Variants in PDE4D observed in about 807,000 individuals in gnomAD.
PDE4D encodes the protein phosphodiesterase 4D, also known as 3',5'-cyclic-AMP phosphodiesterase 4D.
PDE4D carries 24 observed loss-of-function variants against 87.4 expected under a neutral mutation model. The ratio of observed to expected loss-of-function variants is 0.27; its 90% confidence interval spans 0.20 to 0.39. PDE4D has a LOEUF of 0.39. Among genes scored for constraint, PDE4D ranks in the 10% least tolerant of loss-of-function variants. The pLI, the probability that PDE4D is intolerant of heterozygous loss-of-function variation, is 1.00. For missense variants in PDE4D, 714 were observed against 1,041.0 expected (o/e 0.69, Z 4.32); for synonymous variants, 384 against 383.2 (o/e 1.00, Z -0.02).
chr5:59,924,671 A>G (rs976607279), intron 3 of PDE4D, among the ~76,000 whole-genome samples: 1 of 152,158 alleles, frequency 6.6e-6, no homozygotes, highest in African/African-American at 2.4e-5. Context: ...GCAAAAGTTG[A>G]TATGTCATCA....
intron 2 of PDE4D, among the ~76,000 whole-genome samples, chr5:60,111,144 T>A (rs1777633500): frequency 6.6e-6 from 1 of 151,942 alleles, no homozygotes; most frequent in African/African-American, 2.4e-5. Flanking sequence ...TTTCAAAAAC[T>A]AGAGGAGAGG....
At chr5:60,390,001 T>G (rs932557025) in intron 1 of PDE4D, among the ~76,000 whole-genome samples, 1 of 152,212 alleles carries the variant, frequency 6.6e-6, no homozygotes, top group Non-Finnish European at 1.5e-5. Flanking sequence ...CTCGCTCTCA[T>G]AGATCTTTGC....
Position 59,264,593 on chromosome 5 carries a change from T to C in PDE4D, c.456-48625A>G, listed in dbSNP as rs575834727. 2.0e-5 allele frequency among the ~76,000 whole-genome samples: 3 copies of C among 152,126 alleles called. No homozygotes were observed. The South Asian group carries it at 6.2e-4, about 32-fold the overall frequency. On this transcript the variant is annotated intron_variant, in intron 1 of 14. Coordinates refer to ENST00000340635, the MANE Select transcript of PDE4D (RefSeq NM_001104631.2). ...GAAAAGTAATTGGGCTATCTCTTTT[T>C]AAAGCAAAACACTCAGGGAATCTTT...
chr5:60,375,993 C>T (rs1428062152), intron 1 of PDE4D, among the ~76,000 whole-genome samples: 5 of 152,082 alleles, frequency 3.3e-5, no homozygotes, highest in African/African-American at 4.8e-5. Context: ...GAGCTGAGAT[C>T]GCGCCACTGC....
intron 1 of PDE4D, among the ~76,000 whole-genome samples, chr5:60,344,582 C>G (rs1053103601): frequency 2.0e-5 from 3 of 152,092 alleles, no homozygotes; most frequent in African/African-American, 4.8e-5. Context: ...TATCCTATAA[C>G]CTATGCAATA....
intron 1 of PDE4D, among the ~76,000 whole-genome samples, chr5:59,644,627 T>C (rs1481442480): frequency 6.6e-6 from 1 of 152,242 alleles, no homozygotes; most frequent in Non-Finnish European, 1.5e-5. Flanking sequence ...TAGGTTCTCA[T>C]CACATTTATT....
At chr5:60,345,853 T>C (rs948768048) in intron 1 of PDE4D, among the ~76,000 whole-genome samples, 2 of 152,150 alleles carry the variant, frequency 1.3e-5, no homozygotes, top group Non-Finnish European at 2.9e-5. Context: ...AGAGTAAATA[T>C]GTTCAAATGC....
intron 3 of PDE4D, among the ~76,000 whole-genome samples, chr5:59,927,575 T>C (rs1581770698): frequency 6.6e-6 from 1 of 152,342 alleles, no homozygotes; most frequent in South Asian, 2.1e-4. Context: ...ATCTTGGAAC[T>C]TGGTATTTTT....
intron 2 of PDE4D, among the ~76,000 whole-genome samples, chr5:60,089,319 A>G (rs895814328): frequency 6.6e-6 from 1 of 152,086 alleles, no homozygotes; most frequent in Non-Finnish European, 1.5e-5. Flanking sequence ...AAAGTCAAAA[A>G]AGTCAAAATC....
At chr5:59,180,690 T>C (rs1331311618) in intron 4 of PDE4D, 46 bp from the exon 5 acceptor site, 3 of 1,537,418 alleles carry the variant, frequency 2.0e-6, no homozygotes, top group Non-Finnish European at 2.7e-6. Flanking sequence ...GTGGGGCTTA[T>C]TGATTTGATC....
chr5:60,380,416 A>T (rs2150004571), intron 1 of PDE4D, among the ~76,000 whole-genome samples: 1 of 152,350 alleles, frequency 6.6e-6, no homozygotes, highest in South Asian at 2.1e-4. Context: ...TTTAGACAAT[A>T]AAATGGGAAT....
At chr5:59,155,684 G>A (rs182993991) in intron 5 of PDE4D, among the ~76,000 whole-genome samples, 52 of 152,254 alleles carry the variant, frequency 3.4e-4, no homozygotes, top group African/African-American at 1.2e-3. Context: ...TTGAAGATGT[G>A]AGAGATAGAA....
chr5:59,996,758 T>C (rs572621102), intron 2 of PDE4D, among the ~76,000 whole-genome samples: 120 of 152,288 alleles, frequency 7.9e-4, no homozygotes, highest in African/African-American at 2.8e-3. Context: ...TGTATCGACT[T>C]AACACAATCA....
chr5:59,720,580 T>A (rs903970676), intron 1 of PDE4D, among the ~76,000 whole-genome samples: 1 of 152,172 alleles, frequency 6.6e-6, no homozygotes, highest in Non-Finnish European at 1.5e-5. Context: ...GAGTGGTAAC[T>A]AAATGCTAAG....
chr5:59,477,752 T>A (rs1803546197), intron 1 of PDE4D, among the ~76,000 whole-genome samples: 2 of 152,094 alleles, frequency 1.3e-5, no homozygotes, highest in South Asian at 4.1e-4. Flanking sequence ...TGCACTCATA[T>A]GTTCATCTCC....
At chr5:60,136,585 G>A (rs571184555) in intron 2 of PDE4D, among the ~76,000 whole-genome samples, 5 of 152,174 alleles carry the variant, frequency 3.3e-5, no homozygotes, top group Admixed American at 1.3e-4. Flanking sequence ...AAAGTGCTGG[G>A]TATCATGTTA....
chr5:60,114,960 G>A (rs546495698), intron 2 of PDE4D, among the ~76,000 whole-genome samples: 1 of 106,718 alleles, frequency 9.4e-6, no homozygotes. Context: ...ATGGATGGAT[G>A]GATGGATGGA....
chr5:59,930,984 A>G lies in PDE4D; in HGVS notation c.272+57504T>C, dbSNP rs577802572. On this transcript the variant is annotated intron_variant, in intron 3 of 16. Coordinates refer to the PDE4D transcript ENST00000502484. ...ACAGTGATTGTAATAAAAATATGAAAGATTTCTAATATTCTGGGGATTCTT... is the reference window on the plus strand; with the variant it reads ...ACAGTGATTGTAATAAAAATATGAAGGATTTCTAATATTCTGGGGATTCTT... Among the ~76,000 whole-genome samples the G allele has an allele frequency of 1.7e-4, 26 of 152,322 alleles. 1 individual carries two copies. The South Asian group carries it at 5.2e-3, about 30-fold the overall frequency.
chr5:59,807,814 A>G (rs1767911625), intron 1 of PDE4D, among the ~76,000 whole-genome samples: 1 of 152,140 alleles, frequency 6.6e-6, no homozygotes, highest in Admixed American at 6.5e-5. Flanking sequence ...CAACTTTTAA[A>G]TATTTAGACA....
Sources: allele counts gnomAD v4.1 joint callset (sites outside exome capture counted in the v4.1 genomes callset), GRCh38; gene constraint gnomAD v4.1.1; transcripts MANE v1.5; gene names NCBI Gene and HGNC (gene_info 2026-07-23, HGNC 2026-07-21).